The following TBC1D22A variants were observed in gnomAD, a reference collection of about 807,000 sequenced individuals.
The protein encoded by TBC1D22A is TBC1 domain family member 22A, also known as putative GTPase activator.
A neutral mutation model predicts 60.2 loss-of-function variants in TBC1D22A; 38 were observed. That is an observed-to-expected ratio of 0.63 (90% CI 0.49 to 0.83). The LOEUF is 0.83. Among genes scored for constraint, TBC1D22A ranks in the 40% least tolerant of loss-of-function variants. The pLI is 0.00. For missense variants in TBC1D22A, 628 were observed against 701.0 expected (o/e 0.90, Z 1.18); for synonymous variants, 302 against 281.7 (o/e 1.07, Z -0.72).
intron 12 of TBC1D22A, among the ~76,000 whole-genome samples, chr22:47,115,655 TC>T (rs2066015041): frequency 3.9e-5 from 6 of 152,176 alleles, no homozygotes. Context: ...GACCCTGCTT[TC>T]CCTTGGGATC....
At chr22:47,069,669 C>CCGG (rs1427657241) in intron 11 of TBC1D22A, among the ~76,000 whole-genome samples, 3 of 143,800 alleles carry the variant, frequency 2.1e-5, no homozygotes, top group Non-Finnish European at 4.5e-5. Flanking sequence ...TTGACGGTTC[C>CCGG]CGGCTGTTCC....
intron 11 of TBC1D22A, among the ~76,000 whole-genome samples, chr22:47,065,338 T>A (rs2063715931): frequency 6.6e-6 from 1 of 152,164 alleles, no homozygotes; most frequent in African/African-American, 2.4e-5. Flanking sequence ...TAAATTAAGG[T>A]TATTTTTTAG....
At chr22:47,055,727 C>T (rs968451034) in intron 11 of TBC1D22A, among the ~76,000 whole-genome samples, 13 of 151,962 alleles carry the variant, frequency 8.6e-5, no homozygotes, top group African/African-American at 3.1e-4. Context: ...CTGTTCTGGC[C>T]CCTTGGGGCC....
At chr22:47,014,058 G>A (rs375378905) in intron 10 of TBC1D22A, among the ~76,000 whole-genome samples, 1 of 152,232 alleles carries the variant, frequency 6.6e-6, no homozygotes, top group Non-Finnish European at 1.5e-5. Context: ...AGGGATGGCT[G>A]TGGGGTCTAG....
intron 10 of TBC1D22A, among the ~76,000 whole-genome samples, chr22:47,032,863 C>T (rs114820569): frequency 0.021 from 3,182 of 152,298 alleles, 98 homozygotes; most frequent in African/African-American, 0.071. Flanking sequence ...AAACCAGGTG[C>T]CACCTGCCAG....
At chr22:46,799,199 G>A (rs946502107) in intron 4 of TBC1D22A, among the ~76,000 whole-genome samples, 3 of 152,084 alleles carry the variant, frequency 2.0e-5, no homozygotes, top group East Asian at 1.9e-4. Flanking sequence ...TGTTTTAAAC[G>A]TTTCGTGTTG....
intron 4 of TBC1D22A, among the ~76,000 whole-genome samples, chr22:46,825,386 G>A (rs1340641440): frequency 2.0e-5 from 3 of 152,212 alleles, no homozygotes; most frequent in Non-Finnish European, 4.4e-5. Flanking sequence ...GAATCTGCCC[G>A]TCTCCCTTTA....
In TBC1D22A at chr22:46,793,783, C is replaced by T. The variant is rs775180897; in HGVS notation, c.402C>T (p.Pro134=). 2 of 1,601,374 alleles carry T rather than the reference C, an allele frequency of 1.2e-6. No individual in the cohort carries two copies. The highest frequency in any genetic ancestry group is 1.7e-6 in the Non-Finnish European group (2 of 1,174,670). Reference sequence around the variant, plus strand: ...CCGAGGCAGAGCCGCCCTCACCCCCCAGCGGCGACCTCCGGCTGGTGAAGT... The same window carrying T: ...CCGAGGCAGAGCCGCCCTCACCCCCTAGCGGCGACCTCCGGCTGGTGAAGT... ...PRPEAEPPSP[P]SGDLRLVKSV... Residue 134 remains proline (P), a synonymous_variant, in exon 3 of 13, where the codon CCC becomes CCT. Transcript: ENST00000337137.
At chr22:47,105,953 A>G (rs940149259) in intron 11 of TBC1D22A, among the ~76,000 whole-genome samples, 2 of 152,248 alleles carry the variant, frequency 1.3e-5, no homozygotes, top group Non-Finnish European at 2.9e-5. Flanking sequence ...AAGCTTATAC[A>G]TTTTAAATAA....
At chr22:47,102,889 T>C (rs1325299694) in intron 11 of TBC1D22A, among the ~76,000 whole-genome samples, 6 of 152,234 alleles carry the variant, frequency 3.9e-5, no homozygotes, top group Non-Finnish European at 8.8e-5. Flanking sequence ...AGAGTACTCC[T>C]GGAGACCTTT....
chr22:47,058,715 C>T (rs1293161255), intron 11 of TBC1D22A, among the ~76,000 whole-genome samples: 2 of 152,160 alleles, frequency 1.3e-5, no homozygotes, highest in Non-Finnish European at 2.9e-5. Flanking sequence ...GGCTCTGCCC[C>T]ACCAGGCTCG....
intron 11 of TBC1D22A, among the ~76,000 whole-genome samples, chr22:47,065,035 G>A (rs955833906): frequency 9.9e-5 from 15 of 152,222 alleles, no homozygotes; most frequent in Non-Finnish European, 2.2e-4. Context: ...CCAGGCTGGA[G>A]TGCAGTGGCA....
At chr22:46,960,661 G>A (rs1030544294) in intron 8 of TBC1D22A, among the ~76,000 whole-genome samples, 1 of 152,128 alleles carries the variant, frequency 6.6e-6, no homozygotes, top group African/African-American at 2.4e-5. Flanking sequence ...CCCAGTCCAG[G>A]CCAGGCGCGG....
intron 12 of TBC1D22A, among the ~76,000 whole-genome samples, chr22:47,115,166 G>A (rs1386682134): frequency 6.9e-6 from 1 of 144,146 alleles, no homozygotes; most frequent in Non-Finnish European, 1.5e-5. Flanking sequence ...CTGAGCGCTG[G>A]GCCCCAGGAG....
chr22:47,087,048 T>C (rs2064725402), intron 11 of TBC1D22A, among the ~76,000 whole-genome samples: 1 of 152,210 alleles, frequency 6.6e-6, no homozygotes, highest in Non-Finnish European at 1.5e-5. Context: ...CTGCAGCTAG[T>C]GAGCTCTTGG....
At chr22:46,922,705 G>A (rs2070827507) in intron 8 of TBC1D22A, among the ~76,000 whole-genome samples, 1 of 152,128 alleles carries the variant, frequency 6.6e-6, no homozygotes, top group African/African-American at 2.4e-5. Flanking sequence ...TTGTAAATGG[G>A]ATTGCATTCT....
rs149056091 is a variant in TBC1D22A at position 46,982,384 on chromosome 22, C to T, written c.1125+7985C>T. ...GACTACAGGCACCCGCCTCCACGCC[C>T]GGCTAATTTTTATATTTTTAGTAGA... On this transcript the variant is annotated intron_variant, in intron 9 of 12. Coordinates refer to ENST00000337137, the MANE Select transcript of TBC1D22A (RefSeq NM_014346.5). Among the ~76,000 whole-genome samples, 1,446 of 152,140 alleles carry T rather than the reference C, an allele frequency of 9.5e-3. 12 individuals carry two copies. Among genetic ancestry groups the T allele is most frequent in the Non-Finnish European group, 0.015 (994 of 67,988 alleles).
chr22:47,016,004 GC>G (rs368487637), intron 10 of TBC1D22A, among the ~76,000 whole-genome samples: 1 of 152,044 alleles, frequency 6.6e-6, no homozygotes, highest in Non-Finnish European at 1.5e-5. Context: ...CACTCCACGT[GC>G]CCCCCTGGGA....
chr22:46,805,051 A>G (rs888209502), intron 4 of TBC1D22A, among the ~76,000 whole-genome samples: 1 of 152,134 alleles, frequency 6.6e-6, no homozygotes, highest in African/African-American at 2.4e-5. Flanking sequence ...CCTGTACAAC[A>G]TTTTCTACTT....
Sources: allele counts gnomAD v4.1 joint callset (sites outside exome capture counted in the v4.1 genomes callset), GRCh38; gene constraint gnomAD v4.1.1; transcripts MANE v1.5; gene names NCBI Gene and HGNC (gene_info 2026-07-23, HGNC 2026-07-21).